AIMP1: variants seen among roughly 807,000 people sequenced by gnomAD.
The protein encoded by AIMP1 is aminoacyl tRNA synthase complex-interacting multifunctional protein 1.
Under a neutral mutation model 33.1 loss-of-function variants are expected in AIMP1, and 24 were observed. The observed-to-expected ratio is 0.73, with a 90% CI of 0.53 to 1.02. AIMP1 has a LOEUF of 1.02. Ranked by LOEUF, AIMP1 falls within the 50% of genes least tolerant of loss-of-function variation. The probability of loss-of-function intolerance (pLI) is 0.00; values close to 1 mark genes in which losing one functional copy is unlikely to be tolerated. For synonymous variants in AIMP1, 120 were observed against 121.5 expected, an observed-to-expected ratio of 0.99 and a Z score of 0.08; for missense variants, 367 against 364.8, an observed-to-expected ratio of 1.01 and a Z score of -0.05.
Position 106,316,556 on chromosome 4 carries a change from T to G in AIMP1, c.-64T>G. On this transcript the variant is annotated 5_prime_UTR_variant, in exon 1 of 7. Coordinates refer to ENST00000672341, the MANE Select transcript of AIMP1 (RefSeq NM_001142416.2). ...CGGGTGGCTGGACCTACATGCTTCC[T>G]GCTGTGGCTGTCTCGGAACCCGTGG... 1.9e-6 allele frequency: 3 copies of G among 1,551,638 alleles called. No individual in the cohort carries two copies. Among genetic ancestry groups the G allele is most frequent in the Non-Finnish European group, 2.6e-6 (3 of 1,146,966 alleles).
rs1770040450 is a variant in AIMP1, at chr4:106,340,144, C to T, written c.772+3107C>T. Among the ~76,000 whole-genome samples, 3 of 152,004 alleles carry T rather than the reference C, an allele frequency of 2.0e-5. No individual in the cohort carries two copies. In the South Asian group the frequency reaches 6.2e-4, roughly 32 times the overall value. Reference sequence around the variant, plus strand: ...ATTTGACTAGAGTAATTGGGAAAGGCAGATATAAATGAAGATAAATAGAAT... The same window carrying T: ...ATTTGACTAGAGTAATTGGGAAAGGTAGATATAAATGAAGATAAATAGAAT... On this transcript the variant is annotated intron_variant, in intron 6 of 6. Coordinates refer to ENST00000672341, the MANE Select transcript of AIMP1 (RefSeq NM_001142416.2).
At chr4:106,319,001 C>T (rs1769093777) in intron 1 of AIMP1, among the ~76,000 whole-genome samples, 2 of 151,926 alleles carry the variant, frequency 1.3e-5, no homozygotes, top group South Asian at 4.1e-4. Flanking sequence ...AGCCATTTTA[C>T]AATTGATGGC....
rs767033453 is a variant in AIMP1, at chr4:106,348,291, T to G, written c.*599T>G. ...AGCAATTTTTTTAAAAAACTGAGAT[T>G]TCCTACTGGCTTGAAGTTTTTCTAT... On this transcript the variant is annotated 3_prime_UTR_variant, in exon 7 of 7. Transcript: ENST00000672341. The G allele has an allele frequency of 6.6e-6, 1 of 152,202 alleles. No individual in the cohort carries two copies. The highest frequency in any genetic ancestry group is 1.5e-5 in the Non-Finnish European group (1 of 68,044). 9.4% of individuals were successfully genotyped at this position (152,202 alleles called of 1,614,324 possible).
In AIMP1 at chr4:106,331,658, T is replaced by A. The variant is rs1769679577; in HGVS notation, c.392-14T>A. ...TTTATTTCTGATGTTTACCCATTCA[T>A]AAATACTTTTTAGGAGAGAAGAAGG... On this transcript the variant is annotated splice_polypyrimidine_tract_variant and intron_variant, in intron 4 of 6. Transcript: ENST00000672341. 6.2e-7 allele frequency: 1 copy of A among 1,611,288 alleles called. No homozygotes were observed. The highest frequency in any genetic ancestry group is 8.5e-7 in the Non-Finnish European group (1 of 1,177,514).
chr4:106,340,567 G>T (rs777176136), intron 6 of AIMP1, among the ~76,000 whole-genome samples: 9 of 152,100 alleles, frequency 5.9e-5, no homozygotes, highest in Non-Finnish European at 1.0e-4. Context: ...CCTGTGTTGG[G>T]TTACTTAGGA....
intron 4 of AIMP1, among the ~76,000 whole-genome samples, chr4:106,329,467 C>CTTCT (rs1161330666): frequency 6.6e-6 from 1 of 152,132 alleles, no homozygotes; most frequent in Non-Finnish European, 1.5e-5. Flanking sequence ...GATTAGAACA[C>CTTCT]TTCTATCCAA....
intron 4 of AIMP1, among the ~76,000 whole-genome samples, chr4:106,328,683 A>G (rs1477941232): frequency 6.6e-6 from 1 of 152,216 alleles, no homozygotes; most frequent in Non-Finnish European, 1.5e-5. Flanking sequence ...ACTAAAGTAG[A>G]TAGAAATGTC....
intron 1 of AIMP1, 33 bp from the exon 2 acceptor site, chr4:106,324,952 C>T (rs773648243): frequency 1.3e-6 from 2 of 1,544,780 alleles, no homozygotes; most frequent in Non-Finnish European, 1.7e-6. Flanking sequence ...ATTCCTTTCA[C>T]AGTGTAATTT....
intron 5 of AIMP1, among the ~76,000 whole-genome samples, chr4:106,332,630 T>TAC (rs1554001213): frequency 2.8e-5 from 4 of 145,362 alleles, no homozygotes; most frequent in Non-Finnish European, 6.1e-5. Flanking sequence ...TATATATATA[T>TAC]ACATATATAT....
At chr4:106,338,629 G>T (rs1769981120) in intron 6 of AIMP1, among the ~76,000 whole-genome samples, 1 of 152,194 alleles carries the variant, frequency 6.6e-6, no homozygotes, top group African/African-American at 2.4e-5. Context: ...CTAGGGGCAG[G>T]GCCGTCATGA....
intron 6 of AIMP1, among the ~76,000 whole-genome samples, chr4:106,345,986 A>C (rs1770282111): frequency 6.6e-6 from 1 of 151,224 alleles, no homozygotes; most frequent in Non-Finnish European, 1.5e-5. Flanking sequence ...AGTGAAAAAA[A>C]GATCTAGAAG....
intron 1 of AIMP1, among the ~76,000 whole-genome samples, chr4:106,321,799 G>GT (rs915739881): frequency 2.0e-5 from 3 of 152,246 alleles, no homozygotes; most frequent in African/African-American, 7.2e-5. Context: ...GATTGTTACT[G>GT]TGTCTGTGTG....
intron 1 of AIMP1, among the ~76,000 whole-genome samples, chr4:106,323,938 A>G (rs1769365272): frequency 6.6e-6 from 1 of 152,104 alleles, no homozygotes; most frequent in African/African-American, 2.4e-5. Context: ...AGCTAATATG[A>G]AACAAGTAGA....
At chr4:106,317,062 C>T (rs754512299) in intron 1 of AIMP1, among the ~76,000 whole-genome samples, 2 of 152,108 alleles carry the variant, frequency 1.3e-5, no homozygotes, top group Non-Finnish European at 2.9e-5. Context: ...ACATACTAAG[C>T]AAAGTAATTA....
At chr4:106,342,069 G>A (rs1014257820) in intron 6 of AIMP1, among the ~76,000 whole-genome samples, 2 of 152,082 alleles carry the variant, frequency 1.3e-5, no homozygotes, top group African/African-American at 4.8e-5. Context: ...AATTGGGATT[G>A]TGTTCTTGAT....
intron 5 of AIMP1, among the ~76,000 whole-genome samples, chr4:106,336,342 A>G (rs1769882318): frequency 6.6e-6 from 1 of 151,902 alleles, no homozygotes; most frequent in Non-Finnish European, 1.5e-5. Flanking sequence ...ACACCCAGCC[A>G]ATTTTTTTTA....
At chr4:106,329,935 G>T (rs902185967) in intron 4 of AIMP1, among the ~76,000 whole-genome samples, 1 of 151,680 alleles carries the variant, frequency 6.6e-6, no homozygotes, top group African/African-American at 2.4e-5. Flanking sequence ...GGTGCATGCC[G>T]CCATGCCTGG....
In AIMP1 at chr4:106,347,831, T is replaced by C. The variant is rs1579650587; in HGVS notation, c.*139T>C. 1 of 842,782 alleles carries C rather than the reference T, an allele frequency of 1.2e-6. No homozygotes were observed. Among genetic ancestry groups the C allele is most frequent in the East Asian group, 2.9e-5 (1 of 34,430 alleles). 52.2% of individuals were successfully genotyped at this position (842,782 alleles called of 1,614,324 possible). A position where few individuals can be genotyped will look rare whatever the true frequency, so the allele number is the denominator to read the frequency against. ...GACTTGACTAGTCATTTACTTGGTA[T>C]ATATTGTTTTCATTGATTGGGGAAA... On this transcript the variant is annotated 3_prime_UTR_variant, in exon 7 of 7. Coordinates refer to ENST00000672341, the MANE Select transcript of AIMP1 (RefSeq NM_001142416.2).
chr4:106,324,254 A>T (rs1769376692), intron 1 of AIMP1, among the ~76,000 whole-genome samples: 1 of 152,056 alleles, frequency 6.6e-6, no homozygotes, highest in South Asian at 2.1e-4. Context: ...AACAGTTCAT[A>T]GTATTACTAA....
Sources: gnomAD v4.1 joint callset for allele counts (sites outside exome capture counted in the v4.1 genomes callset) on GRCh38, gnomAD v4.1.1 for gene constraint, MANE v1.5 for transcripts, NCBI Gene and HGNC (gene_info 2026-07-23, HGNC 2026-07-21) for gene names.